MACROD2: variants seen among roughly 807,000 people sequenced by gnomAD.
MACROD2 encodes the protein ADP-ribose glycohydrolase MACROD2.
A neutral mutation model predicts 70.4 loss-of-function variants in MACROD2; 36 were observed. That is an observed-to-expected ratio of 0.51 (90% CI 0.39 to 0.68). MACROD2 has a LOEUF of 0.68. MACROD2 is among the 30% of genes least tolerant of loss of function. MACROD2 has a pLI of 0.00. For missense variants in MACROD2, 496 were observed against 538.4 expected, an observed-to-expected ratio of 0.92 and a Z score of 0.78; for synonymous variants, 172 against 178.8, an observed-to-expected ratio of 0.96 and a Z score of 0.30.
intron 6 of MACROD2, among the ~76,000 whole-genome samples, chr20:15,387,801 G>C (rs2045739017): frequency 6.7e-6 from 1 of 150,154 alleles, no homozygotes; most frequent in Non-Finnish European, 1.5e-5. Context: ...TGAGTGGGGT[G>C]ATCATAGCTC....
chr20:14,917,983 T>G (rs1374656515), intron 5 of MACROD2, among the ~76,000 whole-genome samples: 1 of 152,226 alleles, frequency 6.6e-6, no homozygotes, highest in Admixed American at 6.5e-5. Context: ...TGTTTTGTTT[T>G]TGTTTTTGAG....
At chr20:15,384,687 AT>A (rs1323999214) in intron 6 of MACROD2, among the ~76,000 whole-genome samples, 1 of 152,196 alleles carries the variant, frequency 6.6e-6, no homozygotes, top group African/African-American at 2.4e-5. Context: ...AAAATAGTGT[AT>A]TTATATATAC....
intron 4 of MACROD2, among the ~76,000 whole-genome samples, chr20:14,520,194 G>A (rs1376084987): frequency 6.6e-6 from 1 of 152,134 alleles, no homozygotes; most frequent in African/African-American, 2.4e-5. Flanking sequence ...AAACCTGCAC[G>A]TGTACCCCTA....
chr20:14,450,342 C>T (rs944244172), intron 3 of MACROD2, among the ~76,000 whole-genome samples: 3 of 152,126 alleles, frequency 2.0e-5, no homozygotes, highest in African/African-American at 7.2e-5. Flanking sequence ...GTAAATGACA[C>T]CATTTTAGGA....
At chr20:14,198,295 C>G (rs76711526) in intron 3 of MACROD2, among the ~76,000 whole-genome samples, 98 of 152,256 alleles carry the variant, frequency 6.4e-4, no homozygotes, top group Non-Finnish European at 1.1e-3. Flanking sequence ...TGACTTTTCT[C>G]TTTGTATACA....
chr20:14,404,519 C>T (rs1167549981), intron 3 of MACROD2, among the ~76,000 whole-genome samples: 2 of 151,966 alleles, frequency 1.3e-5, no homozygotes, highest in Non-Finnish European at 2.9e-5. Flanking sequence ...GTCCCAGCTA[C>T]CCAGGAGGCG....
chr20:15,822,522 T>G (rs1260088342), intron 8 of MACROD2, among the ~76,000 whole-genome samples: 1 of 152,164 alleles, frequency 6.6e-6, no homozygotes, highest in Non-Finnish European at 1.5e-5. Context: ...TATTGTGCAA[T>G]TTACTATTAT....
At chr20:14,560,629 T>C (rs765545079) in intron 4 of MACROD2, among the ~76,000 whole-genome samples, 17 of 151,912 alleles carry the variant, frequency 1.1e-4, no homozygotes, top group Non-Finnish European at 2.4e-4. Flanking sequence ...AAAACTTTTC[T>C]GAAGTGATTT....
At chr20:15,115,209 G>A (rs2075983667) in intron 5 of MACROD2, among the ~76,000 whole-genome samples, 1 of 152,038 alleles carries the variant, frequency 6.6e-6, no homozygotes, top group Non-Finnish European at 1.5e-5. Context: ...GTCTCTCTGG[G>A]TTGTATTATG....
rs2064813929 is a variant in MACROD2 at position 15,885,761 on chromosome 20, C to T, written c.728-3C>T. The T allele has an allele frequency of 6.8e-7, 1 of 1,477,960 alleles. No individual in the cohort carries two copies. Among genetic ancestry groups the T allele is most frequent in the Non-Finnish European group, 9.0e-7 (1 of 1,113,054 alleles). 91.6% of individuals were successfully genotyped at this position (1,477,960 alleles called of 1,614,324 possible). ...TTCTTTATGTTTTCCTATTTTTTAA[C>T]AGACGATAATAATGAAGAAGAAGAG... On this transcript the variant is annotated splice_region_variant and splice_polypyrimidine_tract_variant and intron_variant, in intron 9 of 17. Coordinates refer to ENST00000684519, the MANE Select transcript of MACROD2 (RefSeq NM_001351661.2).
chr20:14,128,093 G>T, intron 3 of MACROD2: 1 of 548,446 alleles, frequency 1.8e-6, no homozygotes, highest in South Asian at 1.5e-5. Flanking sequence ...CTCAAGCAGT[G>T]GTCATGTGTG....
At chr20:15,815,656 A>G (rs1282879348) in intron 8 of MACROD2, among the ~76,000 whole-genome samples, 1 of 152,188 alleles carries the variant, frequency 6.6e-6, no homozygotes, top group Non-Finnish European at 1.5e-5. Flanking sequence ...GAAATTTTTT[A>G]CTAAAATATT....
intron 5 of MACROD2, among the ~76,000 whole-genome samples, chr20:14,940,049 A>G (rs773500455): frequency 3.7e-4 from 56 of 150,666 alleles, no homozygotes; most frequent in Admixed American, 1.0e-3. Flanking sequence ...GTCTGTATAT[A>G]GGAAATCCTA....
intron 6 of MACROD2, among the ~76,000 whole-genome samples, chr20:15,260,847 C>T (rs1334035287): frequency 6.6e-6 from 1 of 151,976 alleles, no homozygotes; most frequent in Admixed American, 6.6e-5. Context: ...TACTTAGCTC[C>T]ATTTTTCTCT....
chr20:15,529,714 GA>G (rs2047771201), intron 8 of MACROD2, among the ~76,000 whole-genome samples: 1 of 152,120 alleles, frequency 6.6e-6, no homozygotes, highest in Admixed American at 6.6e-5. Flanking sequence ...AAATGAATCA[GA>G]TGTTTGACAC....
chr20:15,089,181 A>G (rs2123159175), intron 5 of MACROD2, among the ~76,000 whole-genome samples: 1 of 152,272 alleles, frequency 6.6e-6, no homozygotes, highest in Non-Finnish European at 1.5e-5. Flanking sequence ...GAAAGTATTG[A>G]CTTAGAGTAG....
intron 6 of MACROD2, among the ~76,000 whole-genome samples, chr20:15,362,905 A>G (rs774298924): frequency 4.6e-5 from 7 of 151,276 alleles, no homozygotes; most frequent in Non-Finnish European, 1.0e-4. Flanking sequence ...TTGATATGAG[A>G]GAAGAAAGGA....
intron 6 of MACROD2, among the ~76,000 whole-genome samples, chr20:15,363,114 G>C (rs915936499): frequency 6.6e-6 from 1 of 152,130 alleles, no homozygotes; most frequent in Non-Finnish European, 1.5e-5. Context: ...TTATTCCTTC[G>C]TTTGTTTGTT....
chr20:14,499,396 G>T (rs2084891903), intron 4 of MACROD2, among the ~76,000 whole-genome samples: 1 of 152,108 alleles, frequency 6.6e-6, no homozygotes, highest in Non-Finnish European at 1.5e-5. Flanking sequence ...AGCCAGGTGA[G>T]GTTGTGCATG....
Sources: allele counts gnomAD v4.1 joint callset (sites outside exome capture counted in the v4.1 genomes callset), GRCh38; gene constraint gnomAD v4.1.1; transcripts MANE v1.5; gene names NCBI Gene and HGNC (gene_info 2026-07-23, HGNC 2026-07-21).